Variants in SYNE1 observed in about 807,000 individuals in gnomAD.
The protein encoded by SYNE1 is nesprin-1.
A neutral mutation model predicts 1,111.0 loss-of-function variants in SYNE1; 616 were observed. The observed-to-expected ratio is 0.55, with a 90% CI of 0.52 to 0.59. The LOEUF (loss-of-function observed/expected upper bound fraction) is 0.59, where lower values mean the gene tolerates loss of function less well. Among genes scored for constraint, SYNE1 ranks in the 20% least tolerant of loss-of-function variants. SYNE1 has a pLI of 0.00. For synonymous variants in SYNE1, 3,855 were observed against 3,825.8 expected (o/e 1.01, Z -0.28); for missense variants, 10,006 against 10,417.0 (o/e 0.96, Z 1.72).
At chr6:152,536,201 G>A (rs1190318218) in intron 4 of SYNE1, among the ~76,000 whole-genome samples, 1 of 150,602 alleles carries the variant, frequency 6.6e-6, no homozygotes, top group Non-Finnish European at 1.5e-5. Flanking sequence ...CCCATTCATT[G>A]CCTTCTTTTT....
chr6:152,152,181 G>T, intron 133 of SYNE1, 40 bp from the exon 134 acceptor site: 3 of 1,588,058 alleles, frequency 1.9e-6, no homozygotes, highest in Non-Finnish European at 2.6e-6. Context: ...AGAAATCAGC[G>T]AAGGACTCTC....
chr6:152,395,125 ATTTGTGGTTT>A (rs2097712461), intron 51 of SYNE1, among the ~76,000 whole-genome samples: 1 of 151,634 alleles, frequency 6.6e-6, no homozygotes, highest in Non-Finnish European at 1.5e-5. Flanking sequence ...GTCACTGTGA[ATTTGTGGTTT>A]TCTTTCCTTC....
At chr6:152,520,632 A>G in intron 5 of SYNE1, 90 bp from the exon 6 acceptor site, 2 of 1,412,068 alleles carry the variant, frequency 1.4e-6, no homozygotes, top group Non-Finnish European at 2.0e-6. Flanking sequence ...TTAAAAATAT[A>G]CTTGAAGAAT....
At chr6:152,123,348 G>A (rs1420736576) in intron 145 of SYNE1, among the ~76,000 whole-genome samples, 1 of 152,156 alleles carries the variant, frequency 6.6e-6, no homozygotes, top group Non-Finnish European at 1.5e-5. Context: ...TAGATGCTAG[G>A]CTGATCCTAT....
At chr6:152,140,201 T>C (rs1012259025) in intron 139 of SYNE1, 40 bp from the exon 140 acceptor site, 9 of 1,597,746 alleles carry the variant, frequency 5.6e-6, no homozygotes, top group Non-Finnish European at 7.7e-6. Context: ...TATTTTCCTC[T>C]ACATGTGATG....
At chr6:152,244,974 C>T (rs373940383) in intron 105 of SYNE1, among the ~76,000 whole-genome samples, 4 of 152,188 alleles carry the variant, frequency 2.6e-5, no homozygotes, top group South Asian at 4.1e-4. Context: ...AAAAAAAGAG[C>T]ATCATTTAGG....
At chr6:152,385,867 C>T in intron 54 of SYNE1, 29 bp from the exon 55 acceptor site, 1 of 1,612,374 alleles carries the variant, frequency 6.2e-7, no homozygotes, top group Non-Finnish European at 8.5e-7. Context: ...ACTACCTTAA[C>T]AGTGGTCCTT....
At chr6:152,187,659 A>C (rs1188364425) in intron 128 of SYNE1, among the ~76,000 whole-genome samples, 1 of 152,162 alleles carries the variant, frequency 6.6e-6, no homozygotes, top group Non-Finnish European at 1.5e-5. Flanking sequence ...ATCTCAAGAA[A>C]CATTTCCTTT....
At chr6:152,439,624 A>G (rs887418257) in intron 32 of SYNE1, among the ~76,000 whole-genome samples, 4 of 152,212 alleles carry the variant, frequency 2.6e-5, no homozygotes, top group African/African-American at 9.6e-5. Context: ...GAAAACTTCA[A>G]AATCCTCAGT....
At chr6:152,472,729 AT>A (rs2098813707) in intron 14 of SYNE1, 1 of 660,026 alleles carries the variant, frequency 1.5e-6, no homozygotes, top group Admixed American at 2.4e-5. Context: ...CTATGAAATG[AT>A]TTTAGTATTT....
At chr6:152,460,846 C>A (rs1314390630) in intron 21 of SYNE1, among the ~76,000 whole-genome samples, 3 of 139,196 alleles carry the variant, frequency 2.2e-5, no homozygotes, top group African/African-American at 8.2e-5. Flanking sequence ...AGAGTCTCGC[C>A]CTGTCACCTA....
intron 45 of SYNE1, among the ~76,000 whole-genome samples, chr6:152,405,490 G>A (rs117298099): frequency 0.02 from 2,973 of 152,264 alleles, 54 homozygotes; most frequent in Non-Finnish European, 0.033. Context: ...AAAGGCCTAC[G>A]TAACAGTAGT....
chr6:152,415,911 AG>A (rs1374228537), intron 41 of SYNE1, among the ~76,000 whole-genome samples: 1 of 152,078 alleles, frequency 6.6e-6, no homozygotes, highest in Non-Finnish European at 1.5e-5. Context: ...GCCAAGGTTA[AG>A]GACATGCCCG....
intron 108 of SYNE1, among the ~76,000 whole-genome samples, chr6:152,238,353 A>T (rs1028790030): frequency 3.3e-5 from 5 of 152,186 alleles, no homozygotes; most frequent in African/African-American, 1.2e-4. Context: ...TGAAACAGGG[A>T]TTCAAAATTC....
intron 3 of SYNE1, among the ~76,000 whole-genome samples, chr6:152,585,014 T>G (rs1394322768): frequency 6.6e-6 from 1 of 152,152 alleles, no homozygotes; most frequent in African/African-American, 2.4e-5. Flanking sequence ...AATCCCTACG[T>G]GTCATGAGAG....
intron 87 of SYNE1, chr6:152,315,184 G>A (rs2153883405): frequency 6.9e-6 from 1 of 145,846 alleles, no homozygotes; most frequent in East Asian, 2.1e-4. Context: ...GAGCCAACAG[G>A]CCAGAGTAGT....
chr6:152,451,850 C>T (rs2098653893), intron 25 of SYNE1, among the ~76,000 whole-genome samples: 1 of 152,018 alleles, frequency 6.6e-6, no homozygotes, highest in South Asian at 2.1e-4. Flanking sequence ...AGTACAAAAG[C>T]TAGGATTTTA....
chr6:152,453,971 G>A (rs993228142), intron 24 of SYNE1, among the ~76,000 whole-genome samples: 4 of 151,924 alleles, frequency 2.6e-5, no homozygotes, highest in African/African-American at 4.8e-5. Context: ...TTCAAATTTG[G>A]TAGAATATTC....
intron 14 of SYNE1, among the ~76,000 whole-genome samples, chr6:152,477,016 C>G (rs2098838940): frequency 6.6e-6 from 1 of 152,046 alleles, no homozygotes; most frequent in Non-Finnish European, 1.5e-5. Flanking sequence ...TACATAGGCA[C>G]AGAAAACACC....
Sources: allele counts gnomAD v4.1 joint callset (sites outside exome capture counted in the v4.1 genomes callset), GRCh38; gene constraint gnomAD v4.1.1; transcripts MANE v1.5; gene names NCBI Gene and HGNC (gene_info 2026-07-23, HGNC 2026-07-21).